Variants in PARP9 observed in about 807,000 individuals in gnomAD.
The protein encoded by PARP9 is protein mono-ADP-ribosyltransferase PARP9.
A neutral mutation model predicts 68.8 loss-of-function variants in PARP9; 48 were observed. The observed-to-expected ratio is 0.70, with a 90% CI of 0.55 to 0.89. The LOEUF is 0.89. Among genes scored for constraint, PARP9 ranks in the 40% least tolerant of loss-of-function variants. PARP9 has a pLI of 0.00. For synonymous variants in PARP9, 309 were observed against 333.8 expected (o/e 0.93, Z 0.81); for missense variants, 806 against 969.3 (o/e 0.83, Z 2.24).
intron 6 of PARP9, among the ~76,000 whole-genome samples, chr3:122,547,360 G>A (rs961780028): frequency 9.9e-5 from 15 of 151,860 alleles, no homozygotes; most frequent in Admixed American, 9.8e-4. Flanking sequence ...CTCCCAAAGG[G>A]CTGGGATTAC....
At chr3:122,542,827 T>G (rs1006236301) in intron 7 of PARP9, among the ~76,000 whole-genome samples, 3 of 152,178 alleles carry the variant, frequency 2.0e-5, no homozygotes, top group African/African-American at 7.2e-5. Flanking sequence ...GCGAGCACTA[T>G]TCTTCTAGAT....
At chr3:122,539,691 G>C (rs2078036898) in intron 8 of PARP9, among the ~76,000 whole-genome samples, 1 of 151,828 alleles carries the variant, frequency 6.6e-6, no homozygotes, top group South Asian at 2.1e-4. Flanking sequence ...CTCCTGAGTA[G>C]CTGGGATTAC....
chr3:122,555,261 C>T (rs957790142), intron 4 of PARP9, 25 bp downstream of exon 4: 4 of 1,575,850 alleles, frequency 2.5e-6, no homozygotes, highest in East Asian at 2.2e-5. Context: ...TGTGCCAGTG[C>T]AAGAGAATAG....
intron 3 of PARP9, chr3:122,558,218 C>A (rs373122946): frequency 7.6e-7 from 1 of 1,319,888 alleles, no homozygotes; most frequent in African/African-American, 1.5e-5. Context: ...CTCACATTTA[C>A]GGGCAAAGGA....
chr3:122,539,432 TG>T (rs553130840), intron 8 of PARP9, among the ~76,000 whole-genome samples: 67 of 152,248 alleles, frequency 4.4e-4, no homozygotes, highest in Non-Finnish European at 4.7e-4. Flanking sequence ...GCACAATGCT[TG>T]GCACGTCATG....
intron 1 of PARP9, among the ~76,000 whole-genome samples, chr3:122,560,910 C>T (rs1420102594): frequency 2.0e-5 from 3 of 152,194 alleles, no homozygotes; most frequent in East Asian, 1.9e-4. Flanking sequence ...TTAAATGTTG[C>T]ACCTGTTTCT....
At chr3:122,531,617 A>G (rs1053288973) in intron 10 of PARP9, among the ~76,000 whole-genome samples, 7 of 152,184 alleles carry the variant, frequency 4.6e-5, no homozygotes, top group African/African-American at 2.4e-5. Flanking sequence ...GTATGTATCT[A>G]TATGTTTGTG....
At chr3:122,536,370 A>G in intron 9 of PARP9, 28 bp from the exon 10 acceptor site, 3 of 1,607,070 alleles carry the variant, frequency 1.9e-6, no homozygotes, top group Non-Finnish European at 2.5e-6. Context: ...AAAGACTGAA[A>G]AAGAGGCTAG....
At chr3:122,559,548 A>T in intron 2 of PARP9, 58 bp downstream of exon 2, 3 of 1,507,372 alleles carry the variant, frequency 2.0e-6, no homozygotes, top group Non-Finnish European at 2.7e-6. Context: ...GCTGTTATAT[A>T]AAGAAGTATT....
chr3:122,546,297 T>G (rs1167967399), intron 6 of PARP9, among the ~76,000 whole-genome samples: 1 of 152,270 alleles, frequency 6.6e-6, no homozygotes, highest in Non-Finnish European at 1.5e-5. Flanking sequence ...TGTAGTAAGA[T>G]GCTCTTTCAT....
At position 122,555,382 on chromosome 3, in the gene PARP9, C is replaced by G; in HGVS notation, c.789G>C (p.Lys263Asn). The G allele has an allele frequency of 6.2e-7, 1 of 1,614,152 alleles. No individual in the cohort carries two copies. Among genetic ancestry groups the G allele is most frequent in the Non-Finnish European group, 8.5e-7 (1 of 1,180,018 alleles). ...GGGTGGTTTCTTGTCCCAGCTCACT[C>G]TTCCCTAGGATGAATTCTGAAGCAG... ...FKAASEFILGKSELGQETTPS... is the reference protein window; with the variant it reads ...FKAASEFILGNSELGQETTPS... Residue 263 changes from lysine to asparagine, a missense_variant, in exon 4 of 11, where the codon AAG (lysine) becomes AAC (asparagine). This residue lies in a region of PARP9 where 680 missense variants were observed against 858.8 expected (regional missense o/e 0.79). Coordinates refer to ENST00000682323, the MANE Select transcript of PARP9 (RefSeq NM_001146105.2).
chr3:122,543,698 C>T (rs1454315236), intron 7 of PARP9, among the ~76,000 whole-genome samples: 3 of 152,150 alleles, frequency 2.0e-5, no homozygotes, highest in Non-Finnish European at 2.9e-5. Context: ...GCAGCCTTGA[C>T]CTCCCCGGGC....
At chr3:122,559,525 C>T in intron 2 of PARP9, 81 bp downstream of exon 2, 2 of 1,397,626 alleles carry the variant, frequency 1.4e-6, no homozygotes, top group Non-Finnish European at 1.9e-6. Flanking sequence ...TTGGTGAACA[C>T]CCCAGATTTC....
chr3:122,539,642 C>G (rs2078031428), intron 8 of PARP9, among the ~76,000 whole-genome samples: 1 of 151,408 alleles, frequency 6.6e-6, no homozygotes, highest in African/African-American at 2.4e-5. Flanking sequence ...TTCACTGCAA[C>G]CTCTGCCTCC....
intron 2 of PARP9, 114 bp from the exon 3 acceptor site, chr3:122,558,581 G>A (rs2079913392): frequency 4.8e-6 from 6 of 1,250,498 alleles, no homozygotes; most frequent in Non-Finnish European, 5.6e-6. Flanking sequence ...TCAAAGCACT[G>A]TGTTTGGGAG....
chr3:122,529,597 CA>C lies in PARP9; in HGVS notation c.2081-855del, dbSNP rs34705764. Among the ~76,000 whole-genome samples the C allele has an allele frequency of 3.3e-3, 507 of 151,528 alleles. 6 individuals carry two copies. The highest frequency in any genetic ancestry group is 0.012 in the African/African-American group (487 of 41,270). On this transcript the variant is annotated intron_variant, in intron 10 of 10. Transcript: ENST00000682323. ...AACCCCGTCTCTACTAAAAAAAATA[CA>C]AAAAAATTAGCCGGGCGCAGTTGGG...
Position 122,528,712 on chromosome 3 carries a change from G to C in PARP9, c.2112C>G (p.Thr704=). 6.2e-7 allele frequency: 1 copy of C among 1,612,656 alleles called. No individual in the cohort carries two copies. The highest frequency in any genetic ancestry group is 1.3e-5 in the African/African-American group (1 of 74,880). ...DPKYGAGIYF[T]KNLKNLAEKA... Reference sequence around the variant, plus strand: ...TCTCTGCCAGGTTTTTGAGGTTCTTGGTGAAGTATATGCCAGCTCCGTATT... The same window carrying C: ...TCTCTGCCAGGTTTTTGAGGTTCTTCGTGAAGTATATGCCAGCTCCGTATT... The change falls in exon 11 of 11, where the codon ACC becomes ACG. Residue 704 remains threonine, a synonymous_variant. Coordinates refer to ENST00000682323, the MANE Select transcript of PARP9 (RefSeq NM_001146105.2).
At chr3:122,539,969 C>T (rs940463374) in intron 8 of PARP9, among the ~76,000 whole-genome samples, 15 of 152,152 alleles carry the variant, frequency 9.9e-5, no homozygotes, top group Non-Finnish European at 1.8e-4. Flanking sequence ...AGTTTAGTCC[C>T]GCTGAATGGG....
chr3:122,548,951 T>A (rs1460679227), intron 6 of PARP9, among the ~76,000 whole-genome samples: 1 of 152,192 alleles, frequency 6.6e-6, no homozygotes, highest in African/African-American at 2.4e-5. Flanking sequence ...TCATTACAGT[T>A]GATGTAACAG....
Sources: allele counts gnomAD v4.1 joint callset (sites outside exome capture counted in the v4.1 genomes callset), GRCh38; gene constraint gnomAD v4.1.1; regional missense constraint gnomAD v4.1.1; transcripts MANE v1.5; gene names NCBI Gene and HGNC (gene_info 2026-07-23, HGNC 2026-07-21).